The following CIC variants were observed in gnomAD, a reference collection of about 807,000 sequenced individuals.
CIC encodes protein capicua homolog.
CIC carries 18 observed loss-of-function variants against 115.7 expected under a neutral mutation model. That is an observed-to-expected ratio of 0.16 (90% CI 0.11 to 0.23). The LOEUF is 0.23. Among genes scored for constraint, CIC ranks in the 10% least tolerant of loss-of-function variants. CIC has a pLI of 1.00. For synonymous variants in CIC, 1,076 were observed against 923.0 expected (o/e 1.17, Z -3.01); for missense variants, 2,000 against 2,159.3 (o/e 0.93, Z 1.46).
chr19:42,291,792 C>G (rs1484432536), intron 12 of CIC, 47 bp downstream of exon 12: 1 of 1,601,538 alleles, frequency 6.2e-7, no homozygotes, highest in Non-Finnish European at 8.5e-7. Flanking sequence ...GGCCCCTGTA[C>G]CCCATCATTT....
At chr19:42,269,833 A>C (rs1002595626) in intron 1 of CIC, among the ~76,000 whole-genome samples, 88 of 151,274 alleles carry the variant, frequency 5.8e-4, no homozygotes, top group African/African-American at 2.1e-3. Flanking sequence ...TGAGAGAGAG[A>C]GTGTCAGAGA....
At chr19:42,284,829 G>A (rs2147141224) in intron 2 of CIC, 2 of 1,402,846 alleles carry the variant, frequency 1.4e-6, no homozygotes, top group African/African-American at 1.4e-5. Flanking sequence ...TGCTAAGTGC[G>A]GAGTAACGGT....
At chr19:42,284,842 T>TG in intron 2 of CIC, 1 of 1,311,852 alleles carries the variant, frequency 7.6e-7, no homozygotes, top group Non-Finnish European at 1.1e-6. Context: ...GTAACGGTGG[T>TG]GGGGGTATAG....
intron 2 of CIC, among the ~76,000 whole-genome samples, chr19:42,275,387 C>T (rs1408633048): frequency 6.6e-6 from 1 of 152,214 alleles, no homozygotes; most frequent in Non-Finnish European, 1.5e-5. Context: ...GGCGTGTAAG[C>T]CAGGAGTTGA....
chr19:42,287,324 C>T lies in CIC; in HGVS notation c.3184C>T (p.Leu1062Phe), dbSNP rs772904133. 1.9e-6 allele frequency: 3 copies of T among 1,614,150 alleles called. No individual in the cohort carries two copies. Among genetic ancestry groups the T allele is most frequent in the Non-Finnish European group, 1.7e-6 (2 of 1,180,028 alleles). ...GTCCCTGCTGCCCCGCCGCAGCTTC[C>T]TCTCCATCATGTCTCCTGAGATCCA... ...ETESDHDDAF[L>F]SIMSPEIQLP... The change falls in exon 5 of 21, where the codon CTC becomes TTC. Residue 1062 changes from leucine to phenylalanine, a missense_variant. Around this residue, in one of 8 missense-constraint regions of CIC, gnomAD observed 222 missense variants for 247.7 expected, o/e 0.90. Transcript: ENST00000681038. This position sits in a 1 kb window ranked among gnomAD's most constrained non-coding sequence, Gnocchi z 8.7.
chr19:42,288,646 C>A (rs2037840426), intron 7 of CIC, among the ~76,000 whole-genome samples: 1 of 152,270 alleles, frequency 6.6e-6, no homozygotes, highest in East Asian at 1.9e-4. Flanking sequence ...TCTCTCCAGG[C>A]CTCCTTACTT....
chr19:42,291,988 C>G, intron 12 of CIC, 98 bp from the exon 13 acceptor site: 1 of 1,560,866 alleles, frequency 6.4e-7, no homozygotes, highest in Non-Finnish European at 8.8e-7. Context: ...GTTCTGTGTT[C>G]CTTGCTTTTG....
intron 2 of CIC, chr19:42,284,787 G>C: frequency 6.5e-7 from 1 of 1,547,774 alleles, no homozygotes; most frequent in Non-Finnish European, 8.7e-7. Context: ...TAGCGCCTGG[G>C]CCCTGGGACT....
intron 10 of CIC, 121 bp from the exon 11 acceptor site, chr19:42,290,112 C>A: frequency 6.7e-7 from 1 of 1,495,316 alleles, no homozygotes. Context: ...TTGAGGCCTT[C>A]AGCTGGCAGG....
At chr19:42,271,747 G>A (rs1185589063) in intron 1 of CIC, 27 bp from the exon 2 acceptor site, 12 of 398,528 alleles carry the variant, frequency 3.0e-5, no homozygotes, top group South Asian at 1.3e-4. Context: ...GTTGCTCCGC[G>A]TAATCCTCCG....
intron 2 of CIC, chr19:42,284,328 C>CGCCCCGCCTGCCCCGCCCGCCCCGCCT (rs1555762969): frequency 6.9e-6 from 1 of 144,492 alleles, no homozygotes; most frequent in South Asian, 2.1e-4. Context: ...CGTCGCGCCC[C>CGCCCCGCCTGCCCCGCCCGCCCCGCCT]GCCCCGCCTG....
At chr19:42,271,590 T>A (rs1340694110) in intron 1 of CIC, among the ~76,000 whole-genome samples, 184 bp from the exon 2 acceptor site, 1 of 152,190 alleles carries the variant, frequency 6.6e-6, no homozygotes, top group African/African-American at 2.4e-5. Flanking sequence ...CTCAGGGGAC[T>A]CAGGTGCTCA....
At chr19:42,284,790 C>G in intron 2 of CIC, 1 of 1,546,176 alleles carries the variant, frequency 6.5e-7, no homozygotes, top group Non-Finnish European at 8.7e-7. Context: ...CGCCTGGGCC[C>G]TGGGACTGCA....
At chr19:42,284,265 G>A (rs1338118999) in intron 2 of CIC, 2 of 147,278 alleles carry the variant, frequency 1.4e-5, no homozygotes, top group Non-Finnish European at 3.0e-5. Flanking sequence ...AGGGAGGGAG[G>A]GAACGAGCGA....
At chr19:42,279,637 G>A (rs1599863657) in intron 2 of CIC, among the ~76,000 whole-genome samples, 1 of 152,244 alleles carries the variant, frequency 6.6e-6, no homozygotes, top group Non-Finnish European at 1.5e-5. Context: ...CTTAGCAGAA[G>A]GGTGCCGTGG....
At chr19:42,289,986 C>T (rs746974829) in intron 10 of CIC, 35 bp downstream of exon 10, 7 of 1,525,156 alleles carry the variant, frequency 4.6e-6, no homozygotes, top group Non-Finnish European at 5.4e-6. Flanking sequence ...TCCCATCACA[C>T]TCCCTCCTAA....
chr19:42,294,480 G>A (rs1278535964), intron 19 of CIC, 124 bp from the exon 20 acceptor site: 5 of 1,556,614 alleles, frequency 3.2e-6, no homozygotes, highest in Non-Finnish European at 4.4e-6. Flanking sequence ...GTGACTGTGG[G>A]CAGGACCCCT....
At position 42,290,554 on chromosome 19, in the gene CIC, G is replaced by A. The variant is rs2147256192; in HGVS notation, c.4513G>A (p.Ala1505Thr). 6.2e-7 allele frequency: 1 copy of A among 1,613,504 alleles called. No homozygotes were observed. The highest frequency in any genetic ancestry group is 8.5e-7 in the Non-Finnish European group (1 of 1,179,878). The stretch of plus-strand genomic sequence containing the variant: ...AACCCGGTTCCTCCCAATGGATCCT[G>A]CCACCTTCCGGCGCAAGAGACCCGA... ...KATRFLPMDPATFRRKRPESV... is the reference protein window; with the variant it reads ...KATRFLPMDPTTFRRKRPESV... Residue 1505 changes from alanine to threonine, a missense_variant, in exon 11 of 21, where the codon GCC becomes ACC. Ala to Thr is a moderately conservative substitution (Grantham distance 58). This residue lies in a region of CIC where 1,466 missense variants were observed against 1,390.4 expected (regional missense o/e 1.05). Transcript: ENST00000681038.
In CIC at chr19:42,272,878, C is replaced by T. The variant is rs913351451; in HGVS notation, c.1095C>T (p.Ala365=). The T allele has an allele frequency of 2.5e-6, 1 of 399,346 alleles. No homozygotes were observed. Among genetic ancestry groups the T allele is most frequent in the East Asian group, 3.6e-5 (1 of 28,074 alleles). 24.7% of individuals were successfully genotyped at this position (399,346 alleles called of 1,614,324 possible). A position where few individuals can be genotyped will look rare whatever the true frequency, so the allele number is the denominator to read the frequency against. ...GPEEEQAEPG[A]TLPPCPAALD... The stretch of plus-strand genomic sequence containing the variant: ...AGGAAGAGCAGGCAGAGCCTGGGGC[C>T]ACCCTGCCACCCTGCCCTGCTGCCC... Residue 365 remains alanine, a synonymous_variant, in exon 2 of 21, where the codon GCC becomes GCT. Coordinates refer to ENST00000681038, the MANE Select transcript of CIC (RefSeq NM_001386298.1).
Sources: gnomAD v4.1 joint callset for allele counts (sites outside exome capture counted in the v4.1 genomes callset) on GRCh38, gnomAD v4.1.1 for gene constraint, gnomAD v4.1.1 regional missense constraint, Gnocchi (gnomAD v3.1) non-coding constraint, MANE v1.5 for transcripts, NCBI Gene and HGNC (gene_info 2026-07-23, HGNC 2026-07-21) for gene names.